MCCC2: variants seen among roughly 807,000 people sequenced by gnomAD.
MCCC2 encodes methylcrotonyl-CoA carboxylase subunit 2, also known as methylcrotonoyl-CoA carboxylase beta chain, mitochondrial.
MCCC2 carries 52 observed loss-of-function variants against 77.2 expected under a neutral mutation model. The observed-to-expected ratio is 0.67, with a 90% CI of 0.54 to 0.85. The LOEUF is 0.85. MCCC2 is among the 40% of genes least tolerant of loss of function. The probability of loss-of-function intolerance (pLI) is 0.00; values close to 1 mark genes in which losing one functional copy is unlikely to be tolerated. For missense variants in MCCC2, 682 were observed against 703.2 expected (o/e 0.97, Z 0.34); for synonymous variants, 253 against 248.4 (o/e 1.02, Z -0.18).
intron 1 of MCCC2, among the ~76,000 whole-genome samples, chr5:71,591,899 A>G (rs564825503): frequency 1.1e-3 from 160 of 152,170 alleles, no homozygotes; most frequent in Non-Finnish European, 1.7e-3. Flanking sequence ...ACACACCACC[A>G]TGCCCAGATA....
chr5:71,594,665 C>T (rs981472243), intron 2 of MCCC2, among the ~76,000 whole-genome samples: 3 of 151,934 alleles, frequency 2.0e-5, no homozygotes, highest in Non-Finnish European at 4.4e-5. Context: ...AGGACTGAGC[C>T]GGACTCCCTG....
intron 11 of MCCC2, chr5:71,641,388 T>C: frequency 2.9e-6 from 1 of 339,998 alleles, no homozygotes; most frequent in East Asian, 7.4e-5. Context: ...CTTTTTGTTT[T>C]TCTGGATAAC....
At position 71,626,771 on chromosome 5, in the gene MCCC2, T is replaced by C. The variant is rs1746541966; in HGVS notation, c.738+18T>C. On this transcript the variant is annotated intron_variant, in intron 7 of 16. Transcript: ENST00000340941. ...CCCCCTTGGTAAGAACATAAGAACG[T>C]TGGTCGATGGAAATTAAGTATGCAG... is the stretch of plus-strand genomic sequence containing the variant. 1 of 1,605,246 alleles carries C rather than the reference T, an allele frequency of 6.2e-7. No individual in the cohort carries two copies. Among genetic ancestry groups the C allele is most frequent in the African/African-American group, 1.3e-5 (1 of 74,732 alleles).
At chr5:71,625,972 C>T (rs187815659) in intron 6 of MCCC2, among the ~76,000 whole-genome samples, 8 of 152,202 alleles carry the variant, frequency 5.3e-5, no homozygotes, top group Admixed American at 1.3e-4. Flanking sequence ...GAGTCATCAG[C>T]CAAACCTATA....
At chr5:71,611,265 G>A (rs1331965026) in intron 6 of MCCC2, among the ~76,000 whole-genome samples, 1 of 152,068 alleles carries the variant, frequency 6.6e-6, no homozygotes, top group Non-Finnish European at 1.5e-5. Flanking sequence ...GCCGAGTGTG[G>A]TGTGGCACAT....
At position 71,646,203 on chromosome 5, in the gene MCCC2, G is replaced by C. The variant is rs980137229; in HGVS notation, c.1150-8G>C. 2 of 1,612,212 alleles carry C rather than the reference G, an allele frequency of 1.2e-6. No homozygotes were observed. Among genetic ancestry groups the C allele is most frequent in the Non-Finnish European group, 1.7e-6 (2 of 1,178,512 alleles). On this transcript the variant is annotated splice_region_variant and splice_polypyrimidine_tract_variant and intron_variant, in intron 12 of 16. Coordinates refer to ENST00000340941, the MANE Select transcript of MCCC2 (RefSeq NM_022132.5). Reference sequence around the variant, plus strand: ...TTTTAAAAAGATTTTTATGTTATTTGCTTATAGGGTACTCACTTTGTCCAG... The same window carrying C: ...TTTTAAAAAGATTTTTATGTTATTTCCTTATAGGGTACTCACTTTGTCCAG...
chr5:71,627,189 TA>T (rs1444480572), intron 7 of MCCC2, among the ~76,000 whole-genome samples: 2 of 152,260 alleles, frequency 1.3e-5, no homozygotes, highest in Non-Finnish European at 2.9e-5. Context: ...GTGTTAAGGC[TA>T]AATAATGTTC....
intron 6 of MCCC2, among the ~76,000 whole-genome samples, chr5:71,606,371 C>G (rs1477497027): frequency 6.6e-6 from 1 of 152,110 alleles, no homozygotes; most frequent in Non-Finnish European, 1.5e-5. Context: ...ATTTGGCTCT[C>G]TGTTTGTCTG....
rs549018331 is a variant in MCCC2, at chr5:71,591,105, A to G, written c.130-1821A>G. 9.8e-5 allele frequency among the ~76,000 whole-genome samples: 15 copies of G among 152,316 alleles called. 1 individual carries two copies. The highest frequency in any genetic ancestry group is 9.2e-4 in the Admixed American group (14 of 15,290). ...CTCAGAGCTCTTGGAGCTGTAGAAA[A>G]TAGGAAATAATGGAGATATACTGTA... On this transcript the variant is annotated intron_variant, in intron 1 of 16. Transcript: ENST00000340941.
intron 6 of MCCC2, among the ~76,000 whole-genome samples, chr5:71,619,929 C>T (rs1446239973): frequency 6.6e-6 from 1 of 151,150 alleles, no homozygotes; most frequent in Non-Finnish European, 1.5e-5. Flanking sequence ...AGGTGGAGGT[C>T]GCAGTGAGCC....
At chr5:71,595,917 G>T (rs1366682393) in intron 2 of MCCC2, among the ~76,000 whole-genome samples, 2 of 152,154 alleles carry the variant, frequency 1.3e-5, no homozygotes, top group Non-Finnish European at 2.9e-5. Context: ...ATGAAGATAG[G>T]AATTTTCCAG....
chr5:71,600,803 A>T (rs546777872), intron 4 of MCCC2, among the ~76,000 whole-genome samples: 1 of 151,974 alleles, frequency 6.6e-6, no homozygotes, highest in Admixed American at 6.6e-5. Context: ...GCTGTTTTCT[A>T]CTCCTGGCCC....
chr5:71,634,498 C>T (rs1187645644), intron 8 of MCCC2, among the ~76,000 whole-genome samples: 3 of 152,186 alleles, frequency 2.0e-5, no homozygotes, highest in African/African-American at 7.2e-5. Flanking sequence ...AGCTCAGTTA[C>T]GTACACAGTT....
At chr5:71,625,361 C>G (rs1474323822) in intron 6 of MCCC2, among the ~76,000 whole-genome samples, 1 of 152,144 alleles carries the variant, frequency 6.6e-6, no homozygotes, top group African/African-American at 2.4e-5. Flanking sequence ...TTCAAACATG[C>G]AGAAAGTATA....
At position 71,633,127 on chromosome 5, in the gene MCCC2, A is replaced by ATTTTTTTTTTTT. The variant is rs1440841730; in HGVS notation, c.803+943_803+944insTTTTTTTTTTTT. 7.8e-3 allele frequency among the ~76,000 whole-genome samples: 499 copies of ATTTTTTTTTTTT among 63,648 alleles called. 16 individuals are homozygous for ATTTTTTTTTTTT. The highest frequency in any genetic ancestry group is 0.013 in the East Asian group (18 of 1,344). 41.8% of individuals were successfully genotyped at this position (63,648 alleles called of 152,430 possible). A position where few individuals can be genotyped will look rare whatever the true frequency, so the allele number is the denominator to read the frequency against. ...TATATATATATATATATATATATAT[A>ATTTTTTTTTTTT]TATATTTTTATTTTTTGTAGAAACA... On this transcript the variant is annotated intron_variant, in intron 8 of 16. Coordinates refer to ENST00000340941, the MANE Select transcript of MCCC2 (RefSeq NM_022132.5).
At chr5:71,614,888 A>G (rs1746111895) in intron 6 of MCCC2, among the ~76,000 whole-genome samples, 1 of 152,216 alleles carries the variant, frequency 6.6e-6, no homozygotes, top group Non-Finnish European at 1.5e-5. Flanking sequence ...CAAAAAAAGA[A>G]CACTAAAATG....
chr5:71,644,688 T>C (rs908197306), intron 12 of MCCC2, among the ~76,000 whole-genome samples: 1 of 152,218 alleles, frequency 6.6e-6, no homozygotes, highest in East Asian at 1.9e-4. Context: ...AAAATATGTT[T>C]AGTATTGCTT....
chr5:71,644,432 G>A (rs575467435), intron 12 of MCCC2, among the ~76,000 whole-genome samples: 2 of 151,908 alleles, frequency 1.3e-5, no homozygotes, highest in South Asian at 2.1e-4. Flanking sequence ...TACTGGACCC[G>A]TGACTTTAAA....
At chr5:71,599,903 C>G (rs933826805) in intron 4 of MCCC2, 143 bp downstream of exon 4, 2 of 736,432 alleles carry the variant, frequency 2.7e-6, no homozygotes, top group Non-Finnish European at 4.7e-6. Context: ...TGGTGGCTCA[C>G]GCCTGTAATC....
Sources: gnomAD v4.1 joint callset for allele counts (sites outside exome capture counted in the v4.1 genomes callset) on GRCh38, gnomAD v4.1.1 for gene constraint, MANE v1.5 for transcripts, NCBI Gene and HGNC (gene_info 2026-07-23, HGNC 2026-07-21) for gene names.